Variants in FRS2 observed in about 807,000 individuals in gnomAD.
The protein encoded by FRS2 is fibroblast growth factor receptor substrate 2, also known as FGFR signalling adaptor.
FRS2 carries 8 observed loss-of-function variants against 43.9 expected under a neutral mutation model. The observed-to-expected ratio is 0.18, with a 90% CI of 0.11 to 0.33. The LOEUF is 0.33. Among genes scored for constraint, FRS2 ranks in the 10% least tolerant of loss-of-function variants. The probability of loss-of-function intolerance (pLI) is 1.00; values close to 1 mark genes in which losing one functional copy is unlikely to be tolerated. For missense variants in FRS2, 534 were observed against 627.6 expected (o/e 0.85, Z 1.59); for synonymous variants, 219 against 220.3 (o/e 0.99, Z 0.05).
intron 1 of FRS2, among the ~76,000 whole-genome samples, chr12:69,498,854 G>T (rs1377416588): frequency 1.3e-5 from 2 of 152,106 alleles, no homozygotes; most frequent in Non-Finnish European, 2.9e-5. Context: ...TTGTGTGTAG[G>T]ATTATAAAGG....
At chr12:69,526,790 C>T (rs1368236965) in intron 1 of FRS2, among the ~76,000 whole-genome samples, 1 of 151,728 alleles carries the variant, frequency 6.6e-6, no homozygotes, top group Non-Finnish European at 1.5e-5. Context: ...GTGGCACGAT[C>T]TCGGCTCACT....
intron 3 of FRS2, among the ~76,000 whole-genome samples, chr12:69,536,100 T>TC (rs1877251476): frequency 5.0e-5 from 6 of 119,752 alleles, no homozygotes; most frequent in African/African-American, 2.0e-4. Context: ...GTATTTTCAT[T>TC]CTTTTTTTTT....
At chr12:69,471,204 C>G (rs1870254575) in intron 1 of FRS2, among the ~76,000 whole-genome samples, 1 of 151,986 alleles carries the variant, frequency 6.6e-6, no homozygotes, top group African/African-American at 2.4e-5. Flanking sequence ...AAAGAAAAAA[C>G]TTGCTTAAGG....
At chr12:69,520,384 T>TTG (rs1485728319) in intron 1 of FRS2, among the ~76,000 whole-genome samples, 1 of 150,870 alleles carries the variant, frequency 6.6e-6, no homozygotes, top group Non-Finnish European at 1.5e-5. Flanking sequence ...TAGTTTTTTT[T>TTG]TTTTTTTTTT....
intron 1 of FRS2, among the ~76,000 whole-genome samples, chr12:69,509,534 A>G (rs1332450773): frequency 6.6e-6 from 1 of 152,110 alleles, no homozygotes; most frequent in Non-Finnish European, 1.5e-5. Context: ...ACCACTATTC[A>G]TCTCCAGAAC....
chr12:69,494,429 ACTCT>A (rs1198127505), intron 1 of FRS2, among the ~76,000 whole-genome samples: 1 of 151,558 alleles, frequency 6.6e-6, no homozygotes, highest in African/African-American at 2.4e-5. Context: ...ACATGAGGAA[ACTCT>A]CTCAGAGAGG....
rs999237995 is a variant in FRS2 at position 69,576,850 on chromosome 12, TA to T, written c.*1899del. 1 of 152,650 alleles carries T rather than the reference TA, an allele frequency of 6.6e-6. No homozygotes were observed. The highest frequency in any genetic ancestry group is 2.4e-5 in the African/African-American group (1 of 41,462). The allele number at this position is 152,650 out of a possible 1,614,324, so 9.5% of individuals were successfully genotyped here. A position where few individuals can be genotyped will look rare whatever the true frequency, so the allele number is the denominator to read the frequency against. On this transcript the variant is annotated 3_prime_UTR_variant, in exon 9 of 9. Transcript: ENST00000549921. ...CTTATTAAAGTGCTCACTGTTCTCT[TA>T]AAAGAGAGCAGTGGTATAGGTGTGC...
chr12:69,497,574 G>A lies in FRS2; in HGVS notation c.-261+27044G>A, dbSNP rs116267325. Among the ~76,000 whole-genome samples, 953 of 152,226 alleles carry A rather than the reference G, an allele frequency of 6.3e-3. 10 individuals are homozygous for A. Among genetic ancestry groups the A allele is most frequent in the African/African-American group, 0.022 (896 of 41,524 alleles). ...CCCAAAGGCCCTACCGCTTAATACC[G>A]TTGTTTTGGGTACTAGGTTTTAACA... On this transcript the variant is annotated intron_variant, in intron 1 of 8. Coordinates refer to ENST00000549921, the MANE Select transcript of FRS2 (RefSeq NM_001278356.2).
At chr12:69,570,837 G>A (rs1438165723) in intron 6 of FRS2, among the ~76,000 whole-genome samples, 1 of 152,108 alleles carries the variant, frequency 6.6e-6, no homozygotes, top group Non-Finnish European at 1.5e-5. Flanking sequence ...GACTTCCATT[G>A]AATGTTAAAT....
intron 1 of FRS2, among the ~76,000 whole-genome samples, chr12:69,504,918 C>T (rs1873787236): frequency 6.6e-6 from 1 of 152,162 alleles, no homozygotes. Context: ...AGCCTCAAAC[C>T]CCTAGGCTCA....
At chr12:69,525,116 A>T (rs1356669332) in intron 1 of FRS2, among the ~76,000 whole-genome samples, 1 of 151,672 alleles carries the variant, frequency 6.6e-6, no homozygotes. Context: ...GTAGTCAGCC[A>T]TCTTGGAGAG....
At chr12:69,486,572 A>C (rs1170819773) in intron 1 of FRS2, among the ~76,000 whole-genome samples, 1 of 152,164 alleles carries the variant, frequency 6.6e-6, no homozygotes, top group Non-Finnish European at 1.5e-5. Context: ...TGAAAGGAGG[A>C]GTCACACATC....
At chr12:69,572,061 A>G in intron 7 of FRS2, 57 bp from the exon 8 acceptor site, 1 of 1,385,142 alleles carries the variant, frequency 7.2e-7, no homozygotes, top group Non-Finnish European at 1.0e-6. Flanking sequence ...ATTCTTACTC[A>G]TTTTTATTCT....
intron 4 of FRS2, among the ~76,000 whole-genome samples, chr12:69,562,813 C>T (rs1309990462): frequency 1.3e-5 from 2 of 152,118 alleles, no homozygotes; most frequent in Admixed American, 1.3e-4. Flanking sequence ...CCTCAACCTC[C>T]CAAGTAGCTG....
At chr12:69,538,183 T>TA (rs1565757185) in intron 3 of FRS2, among the ~76,000 whole-genome samples, 1 of 89,794 alleles carries the variant, frequency 1.1e-5, no homozygotes, top group Non-Finnish European at 2.1e-5. Context: ...ATAATAAAAT[T>TA]AAAAAAACAA....
rs530139211 is a variant in FRS2, at chr12:69,474,665, A to G, written c.-261+4135A>G. 7.2e-5 allele frequency among the ~76,000 whole-genome samples: 11 copies of G among 152,334 alleles called. No homozygotes were observed. In the South Asian group the frequency reaches 1.2e-3, roughly 17 times the overall value. ...TACCCTGTTTCAGGGAGGACAAACT[A>G]CTTCAGACTCATTTCATCCAGAGTG... On this transcript the variant is annotated intron_variant, in intron 1 of 8. Coordinates refer to ENST00000549921, the MANE Select transcript of FRS2 (RefSeq NM_001278356.2).
intron 1 of FRS2, among the ~76,000 whole-genome samples, chr12:69,473,252 A>G (rs1870471185): frequency 6.6e-6 from 1 of 152,246 alleles, no homozygotes; most frequent in African/African-American, 2.4e-5. Flanking sequence ...CTATGTGGCT[A>G]GCATGTAACA....
chr12:69,519,365 CTT>C (rs1192964537), intron 1 of FRS2, among the ~76,000 whole-genome samples: 2 of 152,310 alleles, frequency 1.3e-5, no homozygotes, highest in Middle Eastern at 3.4e-3. Flanking sequence ...GTATGCCTCT[CTT>C]ATGCATAATG....
At chr12:69,524,460 G>A (rs1876003695) in intron 1 of FRS2, among the ~76,000 whole-genome samples, 1 of 152,060 alleles carries the variant, frequency 6.6e-6, no homozygotes, top group South Asian at 2.1e-4. Flanking sequence ...AGAGCACTCT[G>A]CCAGTCAGGC....
Sources: allele counts gnomAD v4.1 joint callset (sites outside exome capture counted in the v4.1 genomes callset), GRCh38; gene constraint gnomAD v4.1.1; transcripts MANE v1.5; gene names NCBI Gene and HGNC (gene_info 2026-07-23, HGNC 2026-07-21).